The following SLC6A13 variants were observed in gnomAD, a reference collection of about 807,000 sequenced individuals.
SLC6A13 encodes solute carrier family 6 member 13.
In SLC6A13, 69 loss-of-function variants were observed where a neutral mutation model predicts 72.9. That is an observed-to-expected ratio of 0.95 (90% confidence interval 0.78 to 1.16). SLC6A13 has a LOEUF of 1.16. SLC6A13 is among the 50% of genes most tolerant of loss of function. The pLI is 0.00. For missense variants in SLC6A13, 735 were observed against 760.5 expected, an observed-to-expected ratio of 0.97 and a Z score of 0.39; for synonymous variants, 303 against 303.0, an observed-to-expected ratio of 1.00 and a Z score of 0.00.
intron 2 of SLC6A13, among the ~76,000 whole-genome samples, chr12:246,540 G>A (rs565176067): frequency 6.6e-6 from 1 of 152,128 alleles, no homozygotes; most frequent in South Asian, 2.1e-4. Context: ...CAAAAGTTAG[G>A]GATATAAAAG....
intron 2 of SLC6A13, among the ~76,000 whole-genome samples, chr12:246,787 C>T (rs1942366253): frequency 6.6e-6 from 1 of 152,082 alleles, no homozygotes; most frequent in African/African-American, 2.4e-5. Context: ...GCAGGTGGAT[C>T]ACCTGAGGTC....
At position 254,213 on chromosome 12, in the gene SLC6A13, A is replaced by G. The variant is rs1392873014; in HGVS notation, c.202+5638T>C. Among the ~76,000 whole-genome samples, 1 of 151,890 alleles carries G rather than the reference A, an allele frequency of 6.6e-6. No homozygotes were observed. Among genetic ancestry groups the G allele is most frequent in the East Asian group, 1.9e-4 (1 of 5,180 alleles). On this transcript the variant is annotated intron_variant, in intron 2 of 14. Transcript: ENST00000343164. This position sits in a 1 kb window ranked among gnomAD's most constrained non-coding sequence, Gnocchi z 4.4. ...AGCCGCCTCGCCAGCTCAGGGCCCC[A>G]CCCCCGAGGAGTCTGGCCACTGGCA...
intron 3 of SLC6A13, among the ~76,000 whole-genome samples, chr12:243,068 G>C (rs1942226068): frequency 6.6e-6 from 1 of 151,328 alleles, no homozygotes; most frequent in Non-Finnish European, 1.5e-5. Flanking sequence ...GGAGTGCAGT[G>C]GTGCAATCTC....
chr12:240,540 A>C (rs61906962), intron 4 of SLC6A13, among the ~76,000 whole-genome samples: 31,953 of 152,234 alleles, frequency 0.21, 3,557 homozygotes, highest in Middle Eastern at 0.3. Flanking sequence ...ACCTTGATTC[A>C]TTCGATCAAT....
At chr12:245,355 T>C (rs1485315469) in intron 2 of SLC6A13, among the ~76,000 whole-genome samples, 1 of 152,202 alleles carries the variant, frequency 6.6e-6, no homozygotes, top group Admixed American at 6.5e-5. Context: ...GTAACTTCAC[T>C]GATCCCAGAA....
chr12:231,482 C>T (rs1394393839), intron 7 of SLC6A13, among the ~76,000 whole-genome samples: 1 of 152,202 alleles, frequency 6.6e-6, no homozygotes, highest in Non-Finnish European at 1.5e-5. Context: ...AAAGCACCCC[C>T]ACCCTGCAGG....
At chr12:221,841 C>T (rs963589657) in intron 13 of SLC6A13, among the ~76,000 whole-genome samples, 2 of 152,234 alleles carry the variant, frequency 1.3e-5, no homozygotes, top group Non-Finnish European at 2.9e-5. Flanking sequence ...TTTACTACCT[C>T]TCCTGCACCG....
chr12:230,249 G>A (rs909996045), intron 7 of SLC6A13, among the ~76,000 whole-genome samples: 5 of 152,198 alleles, frequency 3.3e-5, no homozygotes, highest in East Asian at 1.9e-4. Flanking sequence ...TGGGTGGAAC[G>A]CAGGTAAAAG....
intron 9 of SLC6A13, among the ~76,000 whole-genome samples, chr12:225,973 A>G (rs1941433883): frequency 6.6e-6 from 1 of 152,242 alleles, no homozygotes. Flanking sequence ...TTTATAGTGA[A>G]CAAAACGAGG....
chr12:245,288 C>A (rs767702362), intron 2 of SLC6A13, among the ~76,000 whole-genome samples: 1 of 152,150 alleles, frequency 6.6e-6, no homozygotes, highest in Non-Finnish European at 1.5e-5. Context: ...ATCCCTAGAC[C>A]GAGCACACTT....
intron 2 of SLC6A13, among the ~76,000 whole-genome samples, chr12:257,900 G>C (rs1246453454): frequency 6.6e-6 from 1 of 152,162 alleles, no homozygotes; most frequent in African/African-American, 2.4e-5. Flanking sequence ...ATTCCAGAGA[G>C]GCTTGGGGAA....
chr12:232,646 C>T (rs1462810966), intron 7 of SLC6A13, among the ~76,000 whole-genome samples: 2 of 152,200 alleles, frequency 1.3e-5, no homozygotes, highest in African/African-American at 2.4e-5. Context: ...CCGCTGCCCT[C>T]GTACCCTGCG....
chr12:260,007 G>C lies in SLC6A13; in HGVS notation c.46C>G (p.Pro16Ala), dbSNP rs1458053751. Residue 16 changes from proline to alanine, a missense_variant, in exon 2 of 15, where the codon CCA becomes GCA. Transcript: ENST00000343164. ...TTCTTTTCCATGACTGGATACACTG[G>C]TTTTGTCTCTCCATTACTGGTTGTG... ...SGTTSNGETK[P>A]VYPVMEKKEE... 3 of 1,614,036 alleles carry C rather than the reference G, an allele frequency of 1.9e-6. No homozygotes were observed. The highest frequency in any genetic ancestry group is 1.3e-5 in the African/African-American group (1 of 74,904).
intron 12 of SLC6A13, 82 bp from the exon 13 acceptor site, chr12:222,714 C>A: frequency 2.5e-6 from 2 of 790,246 alleles, no homozygotes; most frequent in Admixed American, 2.3e-5. Flanking sequence ...ACAAACAGAC[C>A]AGAATGGGCA....
chr12:223,490 C>T (rs2137249925), intron 11 of SLC6A13, among the ~76,000 whole-genome samples: 1 of 152,302 alleles, frequency 6.6e-6, no homozygotes, highest in South Asian at 2.1e-4. Context: ...TCTGAGAACA[C>T]TTAGGCACTG....
At chr12:248,207 C>T (rs1335846484) in intron 2 of SLC6A13, among the ~76,000 whole-genome samples, 1 of 151,932 alleles carries the variant, frequency 6.6e-6, no homozygotes, top group African/African-American at 2.4e-5. Context: ...TGACAAGACT[C>T]AACTATATGC....
At chr12:241,285 C>T (rs938247004) in intron 4 of SLC6A13, among the ~76,000 whole-genome samples, 17 of 151,524 alleles carry the variant, frequency 1.1e-4, no homozygotes, top group African/African-American at 3.2e-4. Flanking sequence ...CCTGGGCGAC[C>T]GAGCGAGACT....
At chr12:241,965 C>G (rs913749792) in intron 4 of SLC6A13, among the ~76,000 whole-genome samples, 1 of 152,200 alleles carries the variant, frequency 6.6e-6, no homozygotes, top group Non-Finnish European at 1.5e-5. Context: ...TACACAAATA[C>G]TTACCATCGT....
intron 14 of SLC6A13, 38 bp downstream of exon 14, chr12:221,338 A>G (rs1941200574): frequency 6.5e-7 from 1 of 1,545,222 alleles, no homozygotes; most frequent in Admixed American, 2.0e-5. Flanking sequence ...GAAGCCTCCC[A>G]GCCCCTCTGG....
Sources: gnomAD v4.1 joint callset for allele counts (sites outside exome capture counted in the v4.1 genomes callset) on GRCh38, gnomAD v4.1.1 for gene constraint, Gnocchi (gnomAD v3.1) non-coding constraint, MANE v1.5 for transcripts, NCBI Gene and HGNC (gene_info 2026-07-23, HGNC 2026-07-21) for gene names.